EPB41L4A: variants seen among roughly 807,000 people sequenced by gnomAD.
EPB41L4A encodes band 4.1-like protein 4A.
In EPB41L4A, 100 loss-of-function variants were observed where a neutral mutation model predicts 108.6. The ratio of observed to expected loss-of-function variants is 0.92; its 90% CI spans 0.78 to 1.09. The LOEUF (loss-of-function observed/expected upper bound fraction) is 1.09, where lower values mean the gene tolerates loss of function less well. Ranked by LOEUF, EPB41L4A falls within the 50% of genes least tolerant of loss-of-function variation. The pLI, the probability that EPB41L4A is intolerant of heterozygous loss-of-function variation, is 0.00. For missense variants in EPB41L4A, 1,030 were observed against 842.7 expected (o/e 1.22, Z -2.75); for synonymous variants, 319 against 289.0 (o/e 1.10, Z -1.05).
At chr5:112,281,449 C>A (rs1752960302) in intron 2 of EPB41L4A, among the ~76,000 whole-genome samples, 1 of 152,182 alleles carries the variant, frequency 6.6e-6, no homozygotes, top group Non-Finnish European at 1.5e-5. Context: ...GGAGTTCCCA[C>A]AAAAGCAGAG....
rs1246351579 is a variant in EPB41L4A, at chr5:112,256,051, C to A, written c.795+3178G>T. On this transcript the variant is annotated intron_variant, in intron 9 of 22. Transcript: ENST00000261486. ...GGTAAAATCCATAATCCAACAGCTT[C>A]TCCGCACTTTGTTGTCACCCTGATC... Among the ~76,000 whole-genome samples, 10 of 152,298 alleles carry A rather than the reference C, an allele frequency of 6.6e-5. No homozygotes were observed. The East Asian group carries it at 1.9e-3, about 29-fold the overall frequency.
intron 18 of EPB41L4A, among the ~76,000 whole-genome samples, chr5:112,178,050 A>C (rs1006943185): frequency 6.6e-6 from 1 of 152,002 alleles, no homozygotes; most frequent in East Asian, 1.9e-4. Context: ...ATTAAAAAAA[A>C]AAAACAAAAA....
rs371198329 is a variant in EPB41L4A, at chr5:112,339,542, A to ATATT, written c.100-32053_100-32052insAATA. ...TAGATATATATCTATATATATATAT[A>ATATT]TTTTTTTTTTAGACAGAGTCTCATT... On this transcript the variant is annotated intron_variant, in intron 1 of 22. Transcript: ENST00000261486. Among the ~76,000 whole-genome samples, 54 of 110,664 alleles carry ATATT rather than the reference A, an allele frequency of 4.9e-4. 1 individual carries two copies. The highest frequency in any genetic ancestry group is 3.5e-3 in the Admixed American group (28 of 8,094). The allele number at this position is 110,664 out of a possible 152,430, so 72.6% of individuals were successfully genotyped here.
intron 13 of EPB41L4A, chr5:112,145,804 T>C (rs1160006482): frequency 2.4e-6 from 1 of 413,464 alleles, no homozygotes; most frequent in African/African-American, 2.1e-5. Context: ...AGAACAACCC[T>C]AGACACATTC....
intron 1 of EPB41L4A, among the ~76,000 whole-genome samples, chr5:112,371,751 A>G (rs1759509993): frequency 6.6e-6 from 1 of 152,184 alleles, no homozygotes; most frequent in Non-Finnish European, 1.5e-5. Flanking sequence ...GCAAAAGACT[A>G]TAAAGGAAAG....
chr5:112,333,962 T>C (rs1756752906), intron 1 of EPB41L4A, among the ~76,000 whole-genome samples: 1 of 152,104 alleles, frequency 6.6e-6, no homozygotes, highest in African/African-American at 2.4e-5. Context: ...CCCAAACTGA[T>C]GGAATGGACC....
At chr5:112,285,214 T>C (rs1477584744) in intron 2 of EPB41L4A, among the ~76,000 whole-genome samples, 1 of 152,196 alleles carries the variant, frequency 6.6e-6, no homozygotes, top group Admixed American at 6.5e-5. Context: ...AAGTTTCCTG[T>C]AGGCCAAATA....
rs1436836312 is a variant in EPB41L4A at position 112,247,431 on chromosome 5, C to T, written c.796-6621G>A. Among the ~76,000 whole-genome samples the T allele has an allele frequency of 3.9e-5, 6 of 152,164 alleles. No individual in the cohort carries two copies. The East Asian group carries it at 1.2e-3, about 29-fold the overall frequency. ...TATGTCCTTCCTCACTACGTGGACC[C>T]GCCATTTCCCTGTGCCTTTCAACAA... On this transcript the variant is annotated intron_variant, in intron 9 of 22. Transcript: ENST00000261486.
At chr5:112,272,377 G>A (rs1470504570) in intron 4 of EPB41L4A, among the ~76,000 whole-genome samples, 14 of 151,650 alleles carry the variant, frequency 9.2e-5, no homozygotes, top group Non-Finnish European at 1.5e-4. Context: ...TCCTGACCTC[G>A]TGATCTGCCC....
At chr5:112,370,191 AT>A (rs77297021) in intron 1 of EPB41L4A, among the ~76,000 whole-genome samples, 834 of 136,920 alleles carry the variant, frequency 6.1e-3, no homozygotes, top group Middle Eastern at 0.012. Context: ...AGCCTGTCTA[AT>A]TTTTTTTTTT....
chr5:112,419,910 T>TCAGCAAAG (rs1302187893), upstream of EPB41L4A: 1 of 456,452 alleles, frequency 2.2e-6, no homozygotes, highest in Non-Finnish European at 4.4e-6. Flanking sequence ...TTCAGGACAT[T>TCAGCAAAG]CAGCAAAGCG....
chr5:112,148,941 G>A (rs373668436), intron 12 of EPB41L4A, among the ~76,000 whole-genome samples: 8 of 152,038 alleles, frequency 5.3e-5, no homozygotes, highest in Non-Finnish European at 1.2e-4. Flanking sequence ...CATTGACAGG[G>A]AATGCCTGTG....
intron 11 of EPB41L4A, 133 bp downstream of exon 11, chr5:112,239,527 T>TA (rs1554082804): frequency 4.0e-6 from 2 of 502,204 alleles, no homozygotes; most frequent in Non-Finnish European, 3.5e-6. Flanking sequence ...AATAAACTGT[T>TA]ATGCTTACAA....
At chr5:112,156,868 A>G (rs939650501) in intron 12 of EPB41L4A, among the ~76,000 whole-genome samples, 2 of 152,176 alleles carry the variant, frequency 1.3e-5, no homozygotes, top group African/African-American at 4.8e-5. Context: ...ACTACCAAAA[A>G]GGAGAAGGAG....
chr5:112,407,088 T>G (rs562996915), intron 1 of EPB41L4A, among the ~76,000 whole-genome samples: 21 of 151,902 alleles, frequency 1.4e-4, no homozygotes, highest in Non-Finnish European at 2.6e-4. Context: ...AAAGCATGAG[T>G]GGCTGACAGG....
intron 4 of EPB41L4A, among the ~76,000 whole-genome samples, chr5:112,269,277 CA>C (rs1291125358): frequency 6.6e-6 from 1 of 151,436 alleles, no homozygotes. Context: ...AAAAAAAAAT[CA>C]AAAACTGAAG....
At chr5:112,407,982 G>A (rs1325799067) in intron 1 of EPB41L4A, among the ~76,000 whole-genome samples, 1 of 152,128 alleles carries the variant, frequency 6.6e-6, no homozygotes, top group Non-Finnish European at 1.5e-5. Context: ...TTTTAACTAG[G>A]AATGTTTTCT....
rs1466224210 is a variant in EPB41L4A, at chr5:112,163,651, T to G, written c.*1339A>C. ...GGAAAGATCCATGTTAGAGATAGCT[T>G]AAGATAGGGATTAGATGAATTGAGG... On this transcript the variant is annotated 3_prime_UTR_variant, in exon 23 of 23. Coordinates refer to ENST00000261486, the MANE Select transcript of EPB41L4A (RefSeq NM_022140.5). 6.6e-6 allele frequency: 1 copy of G among 152,102 alleles called. No homozygotes were observed. Among genetic ancestry groups the G allele is most frequent in the Admixed American group, 6.5e-5 (1 of 15,278 alleles). 9.4% of individuals were successfully genotyped at this position (152,102 alleles called of 1,614,324 possible).
At chr5:112,168,880 T>C in intron 21 of EPB41L4A, 60 bp from the exon 22 acceptor site, 6 of 1,536,304 alleles carry the variant, frequency 3.9e-6, no homozygotes, top group East Asian at 2.3e-5. Flanking sequence ...ATAAATTAAG[T>C]TGGAAGAGAA....
Sources: allele counts gnomAD v4.1 joint callset (sites outside exome capture counted in the v4.1 genomes callset), GRCh38; gene constraint gnomAD v4.1.1; transcripts MANE v1.5; gene names NCBI Gene and HGNC (gene_info 2026-07-23, HGNC 2026-07-21).